SBK2: variants seen among roughly 807,000 people sequenced by gnomAD.
SBK2 encodes the protein serine/threonine-protein kinase SBK2.
A neutral mutation model predicts 15.9 loss-of-function variants in SBK2; 18 were observed. The ratio of observed to expected loss-of-function variants is 1.13; its 90% CI spans 0.78 to 1.68. The LOEUF (loss-of-function observed/expected upper bound fraction) is 1.68. SBK2 is among the 40% of genes most tolerant of loss of function. The pLI is 0.00. For synonymous variants in SBK2, 284 were observed against 246.8 expected (o/e 1.15, Z -1.41); for missense variants, 581 against 510.9 (o/e 1.14, Z -1.32).
rs1167561888 is a variant in SBK2 at position 55,531,349 on chromosome 19, G to T, written c.254-4C>A. ...TGCTTCAGTGCCAGGGGTGTGCCTGGGGCAGCAGGGACAGGTATGGGAGGC... is the reference window on the plus strand; with the variant it reads ...TGCTTCAGTGCCAGGGGTGTGCCTGTGGCAGCAGGGACAGGTATGGGAGGC... On this transcript the variant is annotated splice_polypyrimidine_tract_variant and splice_region_variant and intron_variant, in intron 2 of 3. Coordinates refer to ENST00000413299, the MANE Select transcript of SBK2 (RefSeq NM_001370096.2). 1 of 1,596,086 alleles carries T rather than the reference G, an allele frequency of 6.3e-7. No homozygotes were observed. Among genetic ancestry groups the T allele is most frequent in the Admixed American group, 1.8e-5 (1 of 56,728 alleles).
At position 55,529,931 on chromosome 19, in the gene SBK2, C is replaced by G. The variant is rs749424815; in HGVS notation, c.849G>C (p.Ser283=). 5 of 1,527,354 alleles carry G rather than the reference C, an allele frequency of 3.3e-6. No homozygotes were observed. Among genetic ancestry groups the G allele is most frequent in the Non-Finnish European group, 4.4e-6 (5 of 1,140,612 alleles). 94.6% of individuals were successfully genotyped at this position (1,527,354 alleles called of 1,614,324 possible). A position where few individuals can be genotyped will look rare whatever the true frequency, so the allele number is the denominator to read the frequency against. The stretch of plus-strand genomic sequence containing the variant: ...GCTGAGGGCGGTCCCGGGGCTGGCC[C>G]GACGCCTGCCAGATGAGGAAGTCCT... ...FYEDFLIWQA[S]GQPRDRPQPW... is the part of the protein sequence containing the mutation. Residue 283 remains serine, a synonymous_variant, in exon 4 of 4, where the codon TCG becomes TCC. Coordinates refer to ENST00000413299, the MANE Select transcript of SBK2 (RefSeq NM_001370096.2).
intron 2 of SBK2, among the ~76,000 whole-genome samples, chr19:55,534,726 A>G (rs969154707): frequency 6.7e-6 from 1 of 148,896 alleles, no homozygotes; most frequent in African/African-American, 2.5e-5. Flanking sequence ...AAAAAGAAAA[A>G]AAAAGAAAAG....
In SBK2 at chr19:55,529,121, G is replaced by A. The variant is rs943075512; in HGVS notation, c.*612C>T. Among the ~76,000 whole-genome samples, 77 of 152,180 alleles carry A rather than the reference G, an allele frequency of 5.1e-4. No individual in the cohort carries two copies. The highest frequency in any genetic ancestry group is 1.8e-3 in the African/African-American group (73 of 41,434). On this transcript the variant is annotated 3_prime_UTR_variant, in exon 4 of 4. Coordinates refer to ENST00000413299, the MANE Select transcript of SBK2 (RefSeq NM_001370096.2). ...TTAAAAAGTTAAAAATTAGCCTAGCGTGGTGGCGCATGCCTGTAGTCCCAG... is the reference window on the plus strand; with the variant it reads ...TTAAAAAGTTAAAAATTAGCCTAGCATGGTGGCGCATGCCTGTAGTCCCAG...
In SBK2 at chr19:55,531,215, C is replaced by G. The variant is rs747032700; in HGVS notation, c.384G>C (p.Glu128Asp). 1 of 1,613,212 alleles carries G rather than the reference C, an allele frequency of 6.2e-7. No homozygotes were observed. The highest frequency in any genetic ancestry group is 2.2e-5 in the East Asian group (1 of 44,868). The change falls in exon 3 of 4, where the codon GAG becomes GAC. Residue 128 changes from glutamate to aspartate, a missense_variant. By Grantham distance (45) the Glu-to-Asp change is conservative. Transcript: ENST00000413299. Reference sequence around the variant, plus strand: ...TCAGGAAGCTGTAGGAGTGTGCCGACTCGATGCCAATGCCGTAGGCCGTCA... The same window carrying G: ...TCAGGAAGCTGTAGGAGTGTGCCGAGTCGATGCCAATGCCGTAGGCCGTCA... ...AIVTAYGIGI[E>D]SAHSYSFLTE...
chr19:55,530,963 A>T (rs1988241529), intron 3 of SBK2, among the ~76,000 whole-genome samples, 180 bp downstream of exon 3: 1 of 152,002 alleles, frequency 6.6e-6, no homozygotes, highest in Non-Finnish European at 1.5e-5. Flanking sequence ...GATGTCTATG[A>T]ACTCCAAAGA....
Position 55,530,231 on chromosome 19 carries a change from G to A in SBK2, c.549C>T (p.Asp183=), listed in dbSNP as rs1256061027. 4 of 1,532,114 alleles carry A rather than the reference G, an allele frequency of 2.6e-6. No homozygotes were observed. Among genetic ancestry groups the A allele is most frequent in the African/African-American group, 1.4e-5 (1 of 71,118 alleles). 94.9% of individuals were successfully genotyped at this position (1,532,114 alleles called of 1,614,324 possible). A position where few individuals can be genotyped will look rare whatever the true frequency, so the allele number is the denominator to read the frequency against. Reference sequence around the variant, plus strand: ...ACACCAGGACGTTCTCCGGCTTCAGGTCCCGGTACACCAGGCCGCGGGCGT... The same window carrying A: ...ACACCAGGACGTTCTCCGGCTTCAGATCCCGGTACACCAGGCCGCGGGCGT... The part of the protein sequence containing the change: ...YIHARGLVYR[D]LKPENVLVCD... Residue 183 remains aspartate, a synonymous_variant, in exon 4 of 4, where the codon GAC becomes GAT. Coordinates refer to ENST00000413299, the MANE Select transcript of SBK2 (RefSeq NM_001370096.2).
chr19:55,532,600 C>CCTT (rs1362816164), intron 2 of SBK2, among the ~76,000 whole-genome samples: 4 of 70,962 alleles, frequency 5.6e-5, no homozygotes, highest in Non-Finnish European at 3.0e-5. Context: ...CTACACCCGC[C>CCTT]CTTTTTTTTT....
Position 55,529,062 on chromosome 19 carries a change from A to C in SBK2, c.*671T>G, listed in dbSNP as rs1474464362. Among the ~76,000 whole-genome samples the C allele has an allele frequency of 6.6e-6, 1 of 152,178 alleles. No individual in the cohort carries two copies. Among genetic ancestry groups the C allele is most frequent in the African/African-American group, 2.4e-5 (1 of 41,440 alleles). Reference sequence around the variant, plus strand: ...AGGCCAGGAATTTGAGACTAGCCTGAGCAACACAGCAAGACCCGCCCCCAA... The same window carrying C: ...AGGCCAGGAATTTGAGACTAGCCTGCGCAACACAGCAAGACCCGCCCCCAA... On this transcript the variant is annotated 3_prime_UTR_variant, in exon 4 of 4. Coordinates refer to ENST00000413299, the MANE Select transcript of SBK2 (RefSeq NM_001370096.2).
intron 1 of SBK2, among the ~76,000 whole-genome samples, 179 bp downstream of exon 1, chr19:55,536,875 G>A (rs1035903295): frequency 1.3e-5 from 2 of 151,244 alleles, no homozygotes; most frequent in African/African-American, 4.9e-5. Flanking sequence ...ACACAACTGG[G>A]GACCCCCTGA....
chr19:55,529,948 G>A lies in SBK2; in HGVS notation c.832C>T (p.Leu278Phe). Reference sequence around the variant, plus strand: ...GGCTGGCCCGACGCCTGCCAGATGAGGAAGTCCTCGTAGAAGGGGTCGGCC... The same window carrying A: ...GGCTGGCCCGACGCCTGCCAGATGAAGAAGTCCTCGTAGAAGGGGTCGGCC... ...AEADPFYEDF[L>F]IWQASGQPRD... The change falls in exon 4 of 4, where the codon CTC becomes TTC. Residue 278 changes from leucine to phenylalanine, a missense_variant. Leu to Phe is a conservative substitution (Grantham distance 22). Transcript: ENST00000413299. 6.5e-7 allele frequency: 1 copy of A among 1,530,710 alleles called. No individual in the cohort carries two copies. The highest frequency in any genetic ancestry group is 8.8e-7 in the Non-Finnish European group (1 of 1,141,490). The allele number at this position is 1,530,710 out of a possible 1,614,324, so 94.8% of individuals were successfully genotyped here.
At position 55,531,213 on chromosome 19, in the gene SBK2, G is replaced by A. The variant is rs777885093; in HGVS notation, c.386C>T (p.Ser129Leu). Residue 129 changes from serine (S) to leucine (L), a missense_variant, in exon 3 of 4, where the codon TCG (serine) becomes TTG (leucine). Ser to Leu is a moderately radical substitution (Grantham distance 145). Transcript: ENST00000413299. Reference sequence around the variant, plus strand: ...CGTCAGGAAGCTGTAGGAGTGTGCCGACTCGATGCCAATGCCGTAGGCCGT... The same window carrying A: ...CGTCAGGAAGCTGTAGGAGTGTGCCAACTCGATGCCAATGCCGTAGGCCGT... ...IVTAYGIGIE[S>L]AHSYSFLTEP... The A allele has an allele frequency of 9.2e-5, 148 of 1,613,034 alleles. No individual in the cohort carries two copies. The highest frequency in any genetic ancestry group is 1.2e-4 in the Non-Finnish European group (143 of 1,179,560).
chr19:55,532,602 T>C (rs796119146), intron 2 of SBK2, among the ~76,000 whole-genome samples: 12 of 7,330 alleles, frequency 1.6e-3, no homozygotes, highest in East Asian at 7.8e-3. Context: ...ACACCCGCCC[T>C]TTTTTTTTTT....
At position 55,531,312 on chromosome 19, in the gene SBK2, G is replaced by C; in HGVS notation, c.287C>G (p.Pro96Arg). Reference sequence around the variant, plus strand: ...CAGGAAGCCACGGAGGGACGTGCGGGGTTTCGGGAGCTGCTTCAGTGCCAG... The same window carrying C: ...CAGGAAGCCACGGAGGGACGTGCGGCGTTTCGGGAGCTGCTTCAGTGCCAG... ...TPLALKQLPK[P>R]RTSLRGFLYE... Residue 96 changes from proline (P) to arginine (R), a missense_variant, in exon 3 of 4, where the codon CCC (proline) becomes CGC (arginine). Coordinates refer to ENST00000413299, the MANE Select transcript of SBK2 (RefSeq NM_001370096.2). 6.2e-7 allele frequency: 1 copy of C among 1,611,440 alleles called. No individual in the cohort carries two copies. Among genetic ancestry groups the C allele is most frequent in the Non-Finnish European group, 8.5e-7 (1 of 1,179,006 alleles).
chr19:55,529,687 G>C lies in SBK2; in HGVS notation c.*46C>G. On this transcript the variant is annotated 3_prime_UTR_variant, in exon 4 of 4. Transcript: ENST00000413299. The stretch of plus-strand genomic sequence containing the variant: ...GACACCAAAAGCCGTTGGCCTTGGG[G>C]GCCTCGGGTGGGGCGGCTTCCCTTT... The C allele has an allele frequency of 8.2e-6, 13 of 1,579,640 alleles. No individual in the cohort carries two copies. Among genetic ancestry groups the C allele is most frequent in the Non-Finnish European group, 1.1e-5 (13 of 1,170,616 alleles).
At chr19:55,530,981 C>G (rs1988242386) in intron 3 of SBK2, among the ~76,000 whole-genome samples, 162 bp downstream of exon 3, 1 of 152,142 alleles carries the variant, frequency 6.6e-6, no homozygotes, top group Non-Finnish European at 1.5e-5. Context: ...AGAGGCCTAA[C>G]AACTCCACGA....
intron 2 of SBK2, among the ~76,000 whole-genome samples, chr19:55,535,575 AAC>A (rs1410271367): frequency 4.6e-5 from 7 of 152,186 alleles, no homozygotes; most frequent in Non-Finnish European, 7.3e-5. Flanking sequence ...AGTTCCTCAA[AAC>A]ACAGTTTTTG....
intron 3 of SBK2, among the ~76,000 whole-genome samples, chr19:55,530,854 G>A (rs1191980641): frequency 2.0e-5 from 3 of 152,022 alleles, no homozygotes; most frequent in East Asian, 1.9e-4. Context: ...TAGGTTAAGC[G>A]GGGCCTCGGG....
chr19:55,529,785 C>T lies in SBK2; in HGVS notation c.995G>A (p.Arg332Gln), dbSNP rs751936523. 2.5e-6 allele frequency: 4 copies of T among 1,603,970 alleles called. No individual in the cohort carries two copies. The highest frequency in any genetic ancestry group is 2.5e-6 in the Non-Finnish European group (3 of 1,179,752). Residue 332 changes from arginine (R) to glutamine (Q), a missense_variant, in exon 4 of 4, where the codon CGG becomes CAG. Physicochemically the swap from Arg to Gln is conservative, Grantham distance 43. Transcript: ENST00000413299. ...REHLGRPWRQ[R>Q]EGEAEAVGAV... Reference sequence around the variant, plus strand: ...TCCCACTGCCTCCGCCTCGCCCTCCCGCTGCCTCCAGGGGCGCCCCAGGTG... The same window carrying T: ...TCCCACTGCCTCCGCCTCGCCCTCCTGCTGCCTCCAGGGGCGCCCCAGGTG...
At chr19:55,533,017 C>T (rs112795091) in intron 2 of SBK2, among the ~76,000 whole-genome samples, 4 of 152,046 alleles carry the variant, frequency 2.6e-5, no homozygotes, top group African/African-American at 9.7e-5. Context: ...CTCACAAGGC[C>T]GTGTGTAACT....
Sources: gnomAD v4.1 joint callset for allele counts (sites outside exome capture counted in the v4.1 genomes callset) on GRCh38, gnomAD v4.1.1 for gene constraint, MANE v1.5 for transcripts, NCBI Gene and HGNC (gene_info 2026-07-23, HGNC 2026-07-21) for gene names.